ACSM5: variants seen among roughly 807,000 people sequenced by gnomAD.
ACSM5 encodes acyl-coenzyme A synthetase ACSM5, mitochondrial.
Under a neutral mutation model 71.6 loss-of-function variants are expected in ACSM5, and 56 were observed. The observed-to-expected ratio is 0.78, with a 90% CI of 0.63 to 0.98. ACSM5 has a LOEUF of 0.98. Ranked by LOEUF, ACSM5 falls within the 50% of genes least tolerant of loss-of-function variation. ACSM5 has a pLI of 0.00. For missense variants in ACSM5, 723 were observed against 726.0 expected (o/e 1.00, Z 0.05); for synonymous variants, 285 against 281.5 (o/e 1.01, Z -0.12).
chr16:20,429,861 T>C, intron 8 of ACSM5, 60 bp downstream of exon 8: 1 of 1,585,450 alleles, frequency 6.3e-7, no homozygotes, highest in Non-Finnish European at 8.6e-7. Context: ...TTCCTGCCTC[T>C]CCGGCTGTCA....
chr16:20,440,503 G>C lies in ACSM5; in HGVS notation c.*76G>C. The C allele has an allele frequency of 7.5e-7, 1 of 1,337,464 alleles. No individual in the cohort carries two copies. Among genetic ancestry groups the C allele is most frequent in the Non-Finnish European group, 1.1e-6 (1 of 930,606 alleles). 82.8% of individuals were successfully genotyped at this position (1,337,464 alleles called of 1,614,324 possible). A position where few individuals can be genotyped will look rare whatever the true frequency, so the allele number is the denominator to read the frequency against. ...AATGGATCACTGGTCAGTCCCCATG[G>C]GGAGCATCATCTCTTCGACCCTAAA... On this transcript the variant is annotated 3_prime_UTR_variant, in exon 14 of 14. Transcript: ENST00000331849.
intron 6 of ACSM5, among the ~76,000 whole-genome samples, chr16:20,426,696 C>G (rs1041187016): frequency 1.3e-5 from 2 of 152,100 alleles, no homozygotes; most frequent in African/African-American, 4.8e-5. Flanking sequence ...CATGAGATTC[C>G]AAGAGTAGTC....
chr16:20,415,698 A>G (rs1966855025), intron 2 of ACSM5, among the ~76,000 whole-genome samples: 1 of 152,336 alleles, frequency 6.6e-6, no homozygotes, highest in East Asian at 1.9e-4. Context: ...AGAATGTGGA[A>G]TTGGGAGCCC....
At chr16:20,410,366 C>G (rs1227091910) in intron 1 of ACSM5, among the ~76,000 whole-genome samples, 2 of 152,170 alleles carry the variant, frequency 1.3e-5, no homozygotes, top group African/African-American at 2.4e-5. Context: ...CGTTAACTTG[C>G]AGATTCTAAT....
At chr16:20,411,420 C>A in intron 1 of ACSM5, 50 bp from the exon 2 acceptor site, 1 of 1,540,840 alleles carries the variant, frequency 6.5e-7, no homozygotes, top group Non-Finnish European at 8.8e-7. Context: ...TGTGTTGTCC[C>A]CAAAGCCCAG....
intron 1 of ACSM5, among the ~76,000 whole-genome samples, chr16:20,411,034 T>C (rs1324216517): frequency 2.0e-5 from 3 of 152,260 alleles, no homozygotes; most frequent in African/African-American, 4.8e-5. Context: ...TTTATTATAA[T>C]AAATCTCACC....
Position 20,411,652 on chromosome 16 carries a change from C to A in ACSM5, c.168C>A (p.Ala56=), listed in dbSNP as rs747272503. Residue 56 remains alanine (A), a synonymous_variant, in exon 2 of 14, where the codon GCC becomes GCA. Coordinates refer to ENST00000331849, the MANE Select transcript of ACSM5 (RefSeq NM_017888.3). ...RQLVPEYFNF[A]HDVLDVWSRL... is the part of the protein sequence containing the mutation. ...TGGTGCCTGAGTACTTCAACTTCGC[C>A]CATGATGTGCTGGATGTGTGGAGTC... 6.2e-7 allele frequency: 1 copy of A among 1,613,986 alleles called. No homozygotes were observed.
intron 10 of ACSM5, among the ~76,000 whole-genome samples, chr16:20,432,847 CTTTTTTTTTTTTT>C (rs56853520): frequency 1.7e-5 from 1 of 57,610 alleles, no homozygotes; most frequent in African/African-American, 7.2e-5. Flanking sequence ...CCAGATCATT[CTTTTTTTTTTTTT>C]TTTTTTTTTT....
intron 2 of ACSM5, among the ~76,000 whole-genome samples, chr16:20,414,293 T>TTCTGGATTA (rs1966852578): frequency 1.3e-5 from 2 of 152,188 alleles, no homozygotes; most frequent in African/African-American, 4.8e-5. Flanking sequence ...GAAGAGATTA[T>TTCTGGATTA]TCTGGATTAT....
Position 20,437,293 on chromosome 16 carries a change from G to C in ACSM5, c.1462G>C (p.Glu488Gln). ...SSYRIGPVEV[E>Q]SALAEHPAVL... ...CTACCGGATCGGGCCTGTTGAAGTG[G>C]AAAGTGCCCTGGCAGAGCATCCTGC... Residue 488 changes from glutamate (E) to glutamine (Q), a missense_variant, in exon 12 of 14, where the codon GAA becomes CAA. Physicochemically the swap from Glu to Gln is conservative, Grantham distance 29 (BLOSUM62 2). Coordinates refer to ENST00000331849, the MANE Select transcript of ACSM5 (RefSeq NM_017888.3). 1 of 1,614,140 alleles carries C rather than the reference G, an allele frequency of 6.2e-7. No homozygotes were observed. Among genetic ancestry groups the C allele is most frequent in the Non-Finnish European group, 8.5e-7 (1 of 1,180,036 alleles).
chr16:20,409,846 G>A (rs1264364893), intron 1 of ACSM5, among the ~76,000 whole-genome samples, 181 bp downstream of exon 1: 1 of 139,094 alleles, frequency 7.2e-6, no homozygotes. Flanking sequence ...GAAAAGGACT[G>A]GGGCAGAGCT....
rs1967086947 is a variant in ACSM5, at chr16:20,431,058, A to C, written c.1191A>C (p.Pro397=). ...CTGGATCCATGGGGAAGGCGTCCCCACCCTACGATGTGCAGGTAGCAGCCT... is the reference window on the plus strand; with the variant it reads ...CTGGATCCATGGGGAAGGCGTCCCCCCCCTACGATGTGCAGGTAGCAGCCT... The part of the protein sequence containing the change: ...IKSGSMGKAS[P]PYDVQIVDDE... The change falls in exon 9 of 14, where the codon CCA becomes CCC. Residue 397 remains proline (P), a synonymous_variant. Transcript: ENST00000331849. 8 of 1,613,756 alleles carry C rather than the reference A, an allele frequency of 5.0e-6. No individual in the cohort carries two copies. In the African/African-American group the frequency reaches 1.1e-4, roughly 22 times the overall value.
intron 10 of ACSM5, among the ~76,000 whole-genome samples, chr16:20,433,634 T>C (rs1156241179): frequency 6.6e-6 from 1 of 152,148 alleles, no homozygotes; most frequent in African/African-American, 2.4e-5. Context: ...TTTGTTCAAA[T>C]GCATAATATC....
rs1167688463 is a variant in ACSM5, at chr16:20,441,053, C to T, written c.*626C>T. 1.3e-5 allele frequency: 2 copies of T among 152,022 alleles called. No individual in the cohort carries two copies. The highest frequency in any genetic ancestry group is 4.8e-5 in the African/African-American group (2 of 41,388). 9.4% of individuals were successfully genotyped at this position (152,022 alleles called of 1,614,324 possible). A position where few individuals can be genotyped will look rare whatever the true frequency, so the allele number is the denominator to read the frequency against. On this transcript the variant is annotated 3_prime_UTR_variant, in exon 14 of 14. Transcript: ENST00000331849. The stretch of plus-strand genomic sequence containing the variant: ...ATTAACTCAATTACATATGATGTAG[C>T]CACTAAAATATTTGAGAGCAGTTTA...
At chr16:20,437,676 C>A (rs1237720240) in intron 12 of ACSM5, among the ~76,000 whole-genome samples, 1 of 146,600 alleles carries the variant, frequency 6.8e-6, no homozygotes, top group Non-Finnish European at 1.5e-5. Context: ...AATAAAAAGT[C>A]TTTTCTATTT....
chr16:20,425,489 G>A (rs1490392106), intron 6 of ACSM5, among the ~76,000 whole-genome samples: 2 of 152,150 alleles, frequency 1.3e-5, no homozygotes, highest in Non-Finnish European at 2.9e-5. Flanking sequence ...ACATGAGTAA[G>A]TTCTTTAGTG....
In ACSM5 at chr16:20,441,009, A is replaced by G. The variant is rs575136770; in HGVS notation, c.*582A>G. 6.6e-6 allele frequency: 1 copy of G among 152,396 alleles called. No homozygotes were observed. Among genetic ancestry groups the G allele is most frequent in the Non-Finnish European group, 1.5e-5 (1 of 68,108 alleles). The allele number at this position is 152,396 out of a possible 1,614,324, so 9.4% of individuals were successfully genotyped here. A position where few individuals can be genotyped will look rare whatever the true frequency, so the allele number is the denominator to read the frequency against. ...TTAACATCCAAACAACAAGGAAATG[A>G]TTAACAAAATTGTAGTAGATTAACT... On this transcript the variant is annotated 3_prime_UTR_variant, in exon 14 of 14. Coordinates refer to ENST00000331849, the MANE Select transcript of ACSM5 (RefSeq NM_017888.3).
rs762269123 is a variant in ACSM5 at position 20,411,667 on chromosome 16, T to C, written c.183T>C (p.Asp61=). ...TCAACTTCGCCCATGATGTGCTGGA[T>C]GTGTGGAGTCGGCTGGAAGAGGTGA... The part of the protein sequence containing the change: ...EYFNFAHDVL[D]VWSRLEEAGH... The change falls in exon 2 of 14, where the codon GAT becomes GAC. Residue 61 remains aspartate (D), a synonymous_variant. Transcript: ENST00000331849. 3.1e-6 allele frequency: 5 copies of C among 1,614,034 alleles called. No individual in the cohort carries two copies. Among genetic ancestry groups the C allele is most frequent in the Non-Finnish European group, 4.2e-6 (5 of 1,180,010 alleles).
In ACSM5 at chr16:20,439,732, C is replaced by T. The variant is rs71374812; in HGVS notation, c.1537-68C>T. ...AGGTAAATGTAGGCACTTATTCAAGCCTCACTTAAGGAGAAAAGAGTTGTT... is the reference window on the plus strand; with the variant it reads ...AGGTAAATGTAGGCACTTATTCAAGTCTCACTTAAGGAGAAAAGAGTTGTT... On this transcript the variant is annotated intron_variant, in intron 12 of 13. Coordinates refer to ENST00000331849, the MANE Select transcript of ACSM5 (RefSeq NM_017888.3). 1.4e-4 allele frequency: 180 copies of T among 1,314,330 alleles called. 2 individuals are homozygous for T. Among genetic ancestry groups the T allele is most frequent in the Non-Finnish European group, 1.8e-4 (173 of 945,048 alleles). The allele number at this position is 1,314,330 out of a possible 1,614,324, so 81.4% of individuals were successfully genotyped here.
Sources: allele counts gnomAD v4.1 joint callset (sites outside exome capture counted in the v4.1 genomes callset), GRCh38; gene constraint gnomAD v4.1.1; transcripts MANE v1.5; gene names NCBI Gene and HGNC (gene_info 2026-07-23, HGNC 2026-07-21).